The following IGSF8 variants were observed in gnomAD, a reference collection of about 807,000 sequenced individuals.
IGSF8 encodes the protein CD81 partner 3.
Under a neutral mutation model 55.5 loss-of-function variants are expected in IGSF8, and 46 were observed. That is an observed-to-expected ratio of 0.83 (90% CI 0.65 to 1.06). The LOEUF is 1.06. Ranked by LOEUF, IGSF8 falls within the 50% of genes least tolerant of loss-of-function variation. The pLI is 0.00. For synonymous variants in IGSF8, 314 were observed against 356.1 expected (o/e 0.88, Z 1.33); for missense variants, 731 against 832.3 (o/e 0.88, Z 1.50).
chr1:160,092,756 G>T (rs1473657544), intron 4 of IGSF8, 61 bp from the exon 5 acceptor site: 3 of 1,558,816 alleles, frequency 1.9e-6, no homozygotes, highest in Non-Finnish European at 2.6e-6. Flanking sequence ...GGTTAGGGCT[G>T]CCGCCAAGCA....
intron 1 of IGSF8, 83 bp from the exon 2 acceptor site, chr1:160,095,329 C>T: frequency 7.2e-7 from 1 of 1,382,860 alleles, no homozygotes; most frequent in Non-Finnish European, 9.7e-7. Flanking sequence ...TTCTTGATCT[C>T]TGCCTACAAA....
chr1:160,092,796 A>G, intron 4 of IGSF8, 101 bp from the exon 5 acceptor site: 1 of 1,506,496 alleles, frequency 6.6e-7, no homozygotes, highest in Non-Finnish European at 9.0e-7. Context: ...GTATTCCCAC[A>G]ATCTTGGTAG....
At position 160,093,252 on chromosome 1, in the gene IGSF8, C is replaced by T. The variant is rs1453070285; in HGVS notation, c.984G>A (p.Val328=). The change falls in exon 4 of 7, where the codon GTG becomes GTA. Residue 328 remains valine, a synonymous_variant. Coordinates refer to ENST00000314485, the MANE Select transcript of IGSF8 (RefSeq NM_052868.6). The stretch of plus-strand genomic sequence containing the variant: ...GGCCTGCTGGGGGAAGTGCCCCTGA[C>T]ACATTGCACAGCAGTTCCAAGGGCT... The part of the protein sequence containing the change: ...PGEPLELLCN[V]SGALPPAGRH... The T allele has an allele frequency of 1.9e-6, 3 of 1,613,918 alleles. No homozygotes were observed. Among genetic ancestry groups the T allele is most frequent in the Non-Finnish European group, 1.7e-6 (2 of 1,179,910 alleles).
intron 1 of IGSF8, chr1:160,097,868 C>T (rs1295939322): frequency 2.0e-6 from 2 of 985,344 alleles, no homozygotes; most frequent in East Asian, 1.1e-4. Flanking sequence ...CAAAGAGGGA[C>T]CCAACCCAGG....
rs1650596654 is a variant in IGSF8 at position 160,098,396 on chromosome 1, G to C, written c.64+13C>G. On this transcript the variant is annotated intron_variant, in intron 1 of 6. Transcript: ENST00000314485. ...CCGGCAGGGCCGGGAACCGGAACGGGGGCCTGGCTTACCTAGCATTAGCAG... is the reference window on the plus strand; with the variant it reads ...CCGGCAGGGCCGGGAACCGGAACGGCGGCCTGGCTTACCTAGCATTAGCAG... 1.3e-6 allele frequency: 2 copies of C among 1,552,420 alleles called. No homozygotes were observed. Among genetic ancestry groups the C allele is most frequent in the Admixed American group, 2.0e-5 (1 of 50,790 alleles).
At chr1:160,097,261 A>C (rs747537661) in intron 1 of IGSF8, among the ~76,000 whole-genome samples, 1 of 152,158 alleles carries the variant, frequency 6.6e-6, no homozygotes, top group Non-Finnish European at 1.5e-5. Flanking sequence ...TCCCTGCTCC[A>C]TGCTGCCCAC....
rs1419612308 is a variant in IGSF8, at chr1:160,094,830, A to C, written c.442+39T>G. On this transcript the variant is annotated intron_variant, in intron 2 of 6. Coordinates refer to ENST00000314485, the MANE Select transcript of IGSF8 (RefSeq NM_052868.6). This position sits in a 1 kb window ranked among gnomAD's most constrained non-coding sequence, Gnocchi z 4.0. ...CTTGTGGCCTTGACTTTCTGCCTTG[A>C]GAGGGTGTGTGGCTCCACCCCGTCC... is the stretch of plus-strand genomic sequence containing the variant. 1 of 1,576,028 alleles carries C rather than the reference A, an allele frequency of 6.3e-7. No individual in the cohort carries two copies. Among genetic ancestry groups the C allele is most frequent in the East Asian group, 2.3e-5 (1 of 44,310 alleles).
chr1:160,097,076 C>T (rs1650483339), intron 1 of IGSF8, among the ~76,000 whole-genome samples: 1 of 152,252 alleles, frequency 6.6e-6, no homozygotes, highest in Non-Finnish European at 1.5e-5. Context: ...GCTTTGGAAT[C>T]AGATCTGTGT....
At chr1:160,091,775 T>G in intron 6 of IGSF8, 33 bp downstream of exon 6, 1 of 1,419,438 alleles carries the variant, frequency 7.0e-7, no homozygotes. Context: ...GGAAGCCCAA[T>G]GAAAACAAGG....
intron 4 of IGSF8, 39 bp from the exon 5 acceptor site, chr1:160,092,734 C>G: frequency 1.3e-6 from 2 of 1,590,626 alleles, no homozygotes; most frequent in Non-Finnish European, 1.7e-6. Flanking sequence ...GGTGCAGGGC[C>G]AGGGAGCATG....
rs745642311 is a variant in IGSF8 at position 160,092,601 on chromosome 1, G to C, written c.1407C>G (p.Gly469=). Residue 469 remains glycine, a synonymous_variant, in exon 5 of 7, where the codon GGC becomes GGG. Transcript: ENST00000314485. Reference sequence around the variant, plus strand: ...TGGCGGCCAGCCGCAGTCCTGGGGGGCCACCCCGCACAGAGATGTTGCACA... The same window carrying C: ...TGGCGGCCAGCCGCAGTCCTGGGGGCCCACCCCGCACAGAGATGTTGCACA... ...SLLCNISVRG[G]PPGLRLAASW... The C allele has an allele frequency of 1.2e-6, 2 of 1,607,240 alleles. No homozygotes were observed. Among genetic ancestry groups the C allele is most frequent in the East Asian group, 2.2e-5 (1 of 44,896 alleles).
rs765738813 is a variant in IGSF8 at position 160,094,445 on chromosome 1, GCT to G, written c.443-276_443-275del. Among the ~76,000 whole-genome samples, 5 of 152,100 alleles carry G rather than the reference GCT, an allele frequency of 3.3e-5. No homozygotes were observed. Among genetic ancestry groups the G allele is most frequent in the South Asian group, 2.1e-4 (1 of 4,822 alleles). ...TCTGTTTGAAATACTGAGAAAAGCGGCTCTTTCTTCTCAGAAGACAAAGAAAC... is the reference window on the plus strand; with the variant it reads ...TCTGTTTGAAATACTGAGAAAAGCGGCTTTCTTCTCAGAAGACAAAGAAAC... On this transcript the variant is annotated intron_variant, in intron 2 of 6. Transcript: ENST00000314485. This position sits in a 1 kb window ranked among gnomAD's most constrained non-coding sequence, Gnocchi z 4.0.
chr1:160,095,337 A>T, intron 1 of IGSF8, 91 bp from the exon 2 acceptor site: 1 of 1,321,850 alleles, frequency 7.6e-7, no homozygotes, highest in East Asian at 2.5e-5. Context: ...CTCTGCCTAC[A>T]AAAGGAAAGG....
At position 160,092,941 on chromosome 1, in the gene IGSF8, AC is replaced by A; in HGVS notation, c.1294del (p.Val432TyrfsTer16). On this transcript the variant is annotated frameshift_variant, in exon 4 of 7. Transcript: ENST00000314485. LOFTEE classifies it high-confidence loss of function. Reference sequence around the variant, plus strand: ...CCTCTCACCTTCCTCCCGCACATGTACAGGGAGAGGCCGGGAACGGGCACTG... The same window carrying A: ...CCTCTCACCTTCCTCCCGCACATGTAAGGGAGAGGCCGGGAACGGGCACTG... Reference protein sequence around the residue: ...AASARSRPLPVHVREEGVVLE... With the variant: ...AASARSRPLPXHVREEGVVLE... The A allele has an allele frequency of 6.2e-7, 1 of 1,604,862 alleles. No homozygotes were observed.
chr1:160,098,348 G>A (rs1650585122), intron 1 of IGSF8, 61 bp downstream of exon 1: 1 of 1,542,116 alleles, frequency 6.5e-7, no homozygotes, highest in Non-Finnish European at 8.8e-7. Flanking sequence ...ATGCTAGGGG[G>A]GTGCTGGATG....
Position 160,095,208 on chromosome 1 carries a change from C to G in IGSF8, c.103G>C (p.Gly35Arg). Residue 35 changes from glycine (G) to arginine (R), a missense_variant, in exon 2 of 7, where the codon GGG becomes CGG. Physicochemically the swap from Gly to Arg is moderately radical, Grantham distance 125. Transcript: ENST00000314485. ...CWAREVLVPEGPLYRVAGTAV... is the reference protein window; with the variant it reads ...CWAREVLVPERPLYRVAGTAV... ...GTGCCAGCCACGCGGTACAAGGGCC[C>G]CTCGGGGACCAGCACCTCCCGGGCC... is the stretch of plus-strand genomic sequence containing the variant. The G allele has an allele frequency of 6.2e-7, 1 of 1,607,134 alleles. No individual in the cohort carries two copies. The highest frequency in any genetic ancestry group is 8.5e-7 in the Non-Finnish European group (1 of 1,179,854).
chr1:160,096,690 T>G (rs980642541), intron 1 of IGSF8, among the ~76,000 whole-genome samples: 2 of 152,198 alleles, frequency 1.3e-5, no homozygotes, highest in Non-Finnish European at 2.9e-5. Flanking sequence ...TCCAGCACCA[T>G]CCCCATGCCC....
At chr1:160,096,480 T>G (rs1018261365) in intron 1 of IGSF8, among the ~76,000 whole-genome samples, 3 of 152,140 alleles carry the variant, frequency 2.0e-5, no homozygotes, top group Admixed American at 6.5e-5. Flanking sequence ...GGGGATACCA[T>G]GGACTTTCTG....
intron 1 of IGSF8, among the ~76,000 whole-genome samples, chr1:160,095,649 G>A (rs1296182368): frequency 1.3e-5 from 2 of 152,234 alleles, no homozygotes; most frequent in African/African-American, 4.8e-5. Flanking sequence ...CTGGCTAGGG[G>A]ACTCTGAGAC....
Sources: gnomAD v4.1 joint callset for allele counts (sites outside exome capture counted in the v4.1 genomes callset) on GRCh38, gnomAD v4.1.1 for gene constraint, Gnocchi (gnomAD v3.1) non-coding constraint, MANE v1.5 for transcripts, NCBI Gene and HGNC (gene_info 2026-07-23, HGNC 2026-07-21) for gene names.